The following ADAMTS18 variants were observed in gnomAD, a reference collection of about 807,000 sequenced individuals.
ADAMTS18 encodes the protein ADAM metallopeptidase with thrombospondin type 1 motif 18.
ADAMTS18 carries 157 observed loss-of-function variants against 165.9 expected under a neutral mutation model. The observed-to-expected ratio is 0.95, with a 90% CI of 0.83 to 1.08. The LOEUF is 1.08. Among genes scored for constraint, ADAMTS18 ranks in the 50% least tolerant of loss-of-function variants. The pLI is 0.00. For synonymous variants in ADAMTS18, 782 were observed against 578.2 expected, an observed-to-expected ratio of 1.35 and a Z score of -5.06; for missense variants, 2,040 against 1,534.0, an observed-to-expected ratio of 1.33 and a Z score of -5.51.
At chr16:77,413,671 A>G (rs982886417) in intron 3 of ADAMTS18, among the ~76,000 whole-genome samples, 1 of 151,292 alleles carries the variant, frequency 6.6e-6, no homozygotes, top group African/African-American at 2.4e-5. Flanking sequence ...TGCTTTCTAC[A>G]TATGTTATTT....
rs748358878 is a variant in ADAMTS18, at chr16:77,367,487, G to A, written c.732C>T (p.His244=). ...AATGCTGCTTTTGCAACCTTCGATGGTGATACTCTGTCTCTCGACTCTGAG... is the reference window on the plus strand; with the variant it reads ...AATGCTGCTTTTGCAACCTTCGATGATGATACTCTGTCTCTCGACTCTGAG... ...HASQSRETEY[H]HRRLQKQHFC... is the part of the protein sequence containing the mutation. The change falls in exon 4 of 23, where the codon CAC becomes CAT. Residue 244 remains histidine (H), a synonymous_variant. Transcript: ENST00000282849. The A allele has an allele frequency of 1.2e-6, 2 of 1,614,190 alleles. No homozygotes were observed. Among genetic ancestry groups the A allele is most frequent in the East Asian group, 2.2e-5 (1 of 44,882 alleles).
At chr16:77,359,519 T>C (rs2056680620) in intron 7 of ADAMTS18, 96 bp from the exon 8 acceptor site, 1 of 1,021,338 alleles carries the variant, frequency 9.8e-7, no homozygotes, top group East Asian at 2.6e-5. Flanking sequence ...ACAGTTTTAG[T>C]TTAATAGATC....
intron 3 of ADAMTS18, among the ~76,000 whole-genome samples, chr16:77,393,014 G>A (rs1389403095): frequency 6.6e-6 from 1 of 152,174 alleles, no homozygotes; most frequent in African/African-American, 2.4e-5. Context: ...CCAGAATCAG[G>A]AATCGATGGG....
At chr16:77,388,246 C>A (rs1164199572) in intron 3 of ADAMTS18, among the ~76,000 whole-genome samples, 1 of 152,082 alleles carries the variant, frequency 6.6e-6, no homozygotes, top group Non-Finnish European at 1.5e-5. Context: ...ATTATAGGTC[C>A]CTGCCACTGT....
intron 16 of ADAMTS18, among the ~76,000 whole-genome samples, chr16:77,319,347 T>C (rs1213528351): frequency 6.6e-6 from 1 of 152,206 alleles, no homozygotes; most frequent in East Asian, 1.9e-4. Flanking sequence ...CAACCCATTC[T>C]CTTGGAGGCC....
intron 3 of ADAMTS18, among the ~76,000 whole-genome samples, chr16:77,410,374 G>C (rs1012479108): frequency 4.0e-5 from 6 of 151,572 alleles, no homozygotes; most frequent in African/African-American, 1.2e-4. Context: ...AAATTTCACT[G>C]ATTCTCAAAA....
intron 18 of ADAMTS18, among the ~76,000 whole-genome samples, chr16:77,295,997 G>GA (rs950395149): frequency 8.1e-5 from 10 of 123,426 alleles, no homozygotes; most frequent in African/African-American, 2.2e-4. Context: ...TTATTTACAA[G>GA]AAAAAAAAAA....
chr16:77,284,119 T>TTTTC, intron 22 of ADAMTS18, 48 bp from the exon 23 acceptor site: 1 of 1,319,954 alleles, frequency 7.6e-7, no homozygotes, highest in East Asian at 2.4e-5. Context: ...TGTCTATCCT[T>TTTTC]TTTCTTTTTT....
chr16:77,291,447 T>C lies in ADAMTS18; in HGVS notation c.3221A>G (p.Lys1074Arg), dbSNP rs774880409. ...CSATCGLGVR[K>R]REMKCSEKGF... ...CTTCTCGCTGCACTTCATCTCCCTC[T>C]TCCTCACACCCAAACCACAGGTTGC... The change falls in exon 21 of 23, where the codon AAG (lysine) becomes AGG (arginine). Residue 1074 changes from lysine (K) to arginine (R), a missense_variant. By Grantham distance (26) the Lys-to-Arg change is conservative. Transcript: ENST00000282849. The C allele has an allele frequency of 6.2e-7, 1 of 1,614,146 alleles. No individual in the cohort carries two copies. The highest frequency in any genetic ancestry group is 1.7e-5 in the Admixed American group (1 of 60,022).
rs1440033773 is a variant in ADAMTS18 at position 77,358,603 on chromosome 16, C to G, written c.1322+715G>C. Among the ~76,000 whole-genome samples the G allele has an allele frequency of 2.0e-5, 3 of 152,056 alleles. No homozygotes were observed. The East Asian group carries it at 5.8e-4, about 29-fold the overall frequency. On this transcript the variant is annotated intron_variant, in intron 8 of 22. Coordinates refer to ENST00000282849, the MANE Select transcript of ADAMTS18 (RefSeq NM_199355.4). Reference sequence around the variant, plus strand: ...TAGCAGCACCAACATATAAAAATACCAACTATGGTTACTGAATGATGTTTG... The same window carrying G: ...TAGCAGCACCAACATATAAAAATACGAACTATGGTTACTGAATGATGTTTG...
intron 3 of ADAMTS18, among the ~76,000 whole-genome samples, chr16:77,394,114 C>T (rs1473685065): frequency 1.3e-5 from 2 of 152,214 alleles, no homozygotes; most frequent in African/African-American, 2.4e-5. Flanking sequence ...ATCCATTAAA[C>T]TTGATATCAC....
At chr16:77,338,497 A>T (rs2056346721) in intron 11 of ADAMTS18, among the ~76,000 whole-genome samples, 1 of 151,792 alleles carries the variant, frequency 6.6e-6, no homozygotes, top group African/African-American at 2.4e-5. Flanking sequence ...GAGGCCCCCC[A>T]AAGTGCTGAG....
intron 3 of ADAMTS18, among the ~76,000 whole-genome samples, chr16:77,390,759 C>T (rs1239175999): frequency 6.6e-6 from 1 of 151,902 alleles, no homozygotes; most frequent in Non-Finnish European, 1.5e-5. Context: ...CTCCCTTTAC[C>T]CCACCTGGTC....
At chr16:77,340,199 G>C (rs192275146) in intron 11 of ADAMTS18, among the ~76,000 whole-genome samples, 135 of 152,222 alleles carry the variant, frequency 8.9e-4, no homozygotes, top group South Asian at 7.7e-3. Flanking sequence ...ATTTTTGAGA[G>C]AGTCTTGCTC....
Position 77,434,937 on chromosome 16 carries a change from G to A in ADAMTS18, c.-242C>T, listed in dbSNP as rs905605501. 1.1e-5 allele frequency: 4 copies of A among 365,390 alleles called. No homozygotes were observed. Among genetic ancestry groups the A allele is most frequent in the Non-Finnish European group, 1.9e-5 (4 of 206,510 alleles). The allele number at this position is 365,390 out of a possible 1,614,324, so 22.6% of individuals were successfully genotyped here. A position where few individuals can be genotyped will look rare whatever the true frequency, so the allele number is the denominator to read the frequency against. On this transcript the variant is annotated 5_prime_UTR_variant, in exon 1 of 23. Transcript: ENST00000282849. ...CAGTTTGCGGCACCCCAGAGGGTACGGGGGGCTCCCTGGGCCGGGACTGGA... is the reference window on the plus strand; with the variant it reads ...CAGTTTGCGGCACCCCAGAGGGTACAGGGGGCTCCCTGGGCCGGGACTGGA...
rs147294824 is a variant in ADAMTS18, at chr16:77,407,372, G to A, written c.495+23923C>T. ...AATTAGATGTACCATGTTCATAGAC[G>A]GAAAAGCAATAACATAAATATTAGC... On this transcript the variant is annotated intron_variant, in intron 3 of 22. Transcript: ENST00000282849. 4.3e-4 allele frequency among the ~76,000 whole-genome samples: 65 copies of A among 152,096 alleles called. No homozygotes were observed. The East Asian group carries it at 6.7e-3, about 16-fold the overall frequency.
chr16:77,352,761 G>C (rs2056573851), intron 10 of ADAMTS18, among the ~76,000 whole-genome samples: 1 of 152,160 alleles, frequency 6.6e-6, no homozygotes, highest in East Asian at 1.9e-4. Flanking sequence ...CAGTTACTTA[G>C]AACTTCCATA....
intron 16 of ADAMTS18, among the ~76,000 whole-genome samples, chr16:77,310,704 T>A (rs1451522854): frequency 6.6e-6 from 1 of 152,126 alleles, no homozygotes; most frequent in Non-Finnish European, 1.5e-5. Context: ...CACAGCTTAC[T>A]GCAGTCTCAG....
At chr16:77,326,155 A>C (rs879680320) in intron 12 of ADAMTS18, 117 bp from the exon 13 acceptor site, 33 of 976,442 alleles carry the variant, frequency 3.4e-5, no homozygotes, top group Non-Finnish European at 5.1e-5. Context: ...ATGCAAAGGC[A>C]TACAGTCTAT....
Sources: allele counts gnomAD v4.1 joint callset (sites outside exome capture counted in the v4.1 genomes callset), GRCh38; gene constraint gnomAD v4.1.1; transcripts MANE v1.5; gene names NCBI Gene and HGNC (gene_info 2026-07-23, HGNC 2026-07-21).